The following ADGRB3 variants were observed in gnomAD, a reference collection of about 807,000 sequenced individuals.
ADGRB3 encodes adhesion G protein-coupled receptor B3, also known as brain-specific angiogenesis inhibitor 3.
In ADGRB3, 37 loss-of-function variants were observed where a neutral mutation model predicts 193.4. The observed-to-expected ratio is 0.19, with a 90% CI of 0.15 to 0.25. The LOEUF is 0.25. ADGRB3 is among the 10% of genes least tolerant of loss of function. The pLI, the probability that ADGRB3 is intolerant of heterozygous loss-of-function variation, is 1.00. For missense variants in ADGRB3, 1,637 were observed against 1,852.9 expected (o/e 0.88, Z 2.14); for synonymous variants, 690 against 644.2 (o/e 1.07, Z -1.08).
chr6:69,120,907 G>A (rs62406781), intron 17 of ADGRB3, among the ~76,000 whole-genome samples: 18,008 of 151,496 alleles, frequency 0.12, 1,172 homozygotes, highest in Middle Eastern at 0.29. Flanking sequence ...TACCTCACTT[G>A]CATGTAAAAA....
chr6:69,350,828 C>T (rs1769205620), intron 26 of ADGRB3, among the ~76,000 whole-genome samples: 1 of 151,512 alleles, frequency 6.6e-6, no homozygotes, highest in African/African-American at 2.4e-5. Flanking sequence ...TTGCTTTTTA[C>T]AAAAACTCAA....
At chr6:68,874,803 T>C (rs1182804170) in intron 3 of ADGRB3, among the ~76,000 whole-genome samples, 1 of 152,172 alleles carries the variant, frequency 6.6e-6, no homozygotes, top group African/African-American at 2.4e-5. Context: ...ACTAGATTGT[T>C]CAGTTAAGCA....
intron 8 of ADGRB3, among the ~76,000 whole-genome samples, chr6:68,973,983 A>G (rs1192381519): frequency 6.6e-6 from 1 of 152,234 alleles, no homozygotes; most frequent in African/African-American, 2.4e-5. Flanking sequence ...AATTTTGAAT[A>G]TAATATGACA....
At chr6:68,789,914 T>C (rs977049209) in intron 3 of ADGRB3, among the ~76,000 whole-genome samples, 19 of 152,344 alleles carry the variant, frequency 1.2e-4, no homozygotes, top group African/African-American at 2.6e-4. Flanking sequence ...CGTCTTCCAT[T>C]GCTGATACCC....
At chr6:69,340,580 T>A (rs989991170) in intron 26 of ADGRB3, among the ~76,000 whole-genome samples, 1 of 152,164 alleles carries the variant, frequency 6.6e-6, no homozygotes, top group Non-Finnish European at 1.5e-5. Flanking sequence ...TTTACCTGAT[T>A]TATCAGATGG....
chr6:69,175,265 A>G (rs1371074913), intron 17 of ADGRB3, among the ~76,000 whole-genome samples: 1 of 151,886 alleles, frequency 6.6e-6, no homozygotes, highest in Non-Finnish European at 1.5e-5. Flanking sequence ...CTTCTAGAAG[A>G]ATTTAGGTCT....
At chr6:69,320,817 A>ATGTGTGTG (rs1491560826) in intron 20 of ADGRB3, among the ~76,000 whole-genome samples, 16 of 104,874 alleles carry the variant, frequency 1.5e-4, no homozygotes, top group African/African-American at 5.0e-4. Context: ...GTGCTTGTGC[A>ATGTGTGTG]TGTGTGTATG....
chr6:68,730,482 G>A (rs1248523847), intron 3 of ADGRB3, among the ~76,000 whole-genome samples: 1 of 151,586 alleles, frequency 6.6e-6, no homozygotes, highest in South Asian at 2.1e-4. Context: ...GCACTGTGGA[G>A]CCAGAAGAAA....
At chr6:68,828,484 C>A (rs1767891100) in intron 3 of ADGRB3, among the ~76,000 whole-genome samples, 1 of 151,950 alleles carries the variant, frequency 6.6e-6, no homozygotes, top group Non-Finnish European at 1.5e-5. Flanking sequence ...ATTTACTCAC[C>A]AAAATAAAAT....
At chr6:68,864,541 C>G (rs557476091) in intron 3 of ADGRB3, among the ~76,000 whole-genome samples, 1 of 152,252 alleles carries the variant, frequency 6.6e-6, no homozygotes, top group African/African-American at 2.4e-5. Flanking sequence ...GAGAGCCACA[C>G]CCTAGGGATG....
intron 3 of ADGRB3, among the ~76,000 whole-genome samples, chr6:68,859,677 C>T (rs114397250): frequency 0.017 from 2,540 of 152,234 alleles, 58 homozygotes; most frequent in African/African-American, 0.058. Context: ...ACCATGAGAA[C>T]AGCATGGGAA....
At position 68,757,897 on chromosome 6, in the gene ADGRB3, A is replaced by T. The variant is rs551200233; in HGVS notation, c.757+118465A>T. Among the ~76,000 whole-genome samples the T allele has an allele frequency of 7.4e-4, 113 of 152,170 alleles. 2 individuals are homozygous for T. The highest frequency in any genetic ancestry group is 3.4e-3 in the Middle Eastern group (1 of 294). On this transcript the variant is annotated intron_variant, in intron 3 of 31. Transcript: ENST00000370598. ...TTTAAAATTACTGATTTCAGTATCT[A>T]TTCACAGTATTTATATTACTTATTG...
intron 17 of ADGRB3, among the ~76,000 whole-genome samples, chr6:69,126,923 C>T (rs1342706776): frequency 6.6e-6 from 1 of 152,174 alleles, no homozygotes; most frequent in Non-Finnish European, 1.5e-5. Context: ...TCAGTCCAGA[C>T]CCTCTTCTTC....
rs956549608 is a variant in ADGRB3, at chr6:69,003,400, CA to C, written c.1929+9446del. Among the ~76,000 whole-genome samples, 12 of 151,324 alleles carry C rather than the reference CA, an allele frequency of 7.9e-5. 1 individual carries two copies. In the East Asian group the frequency reaches 1.7e-3, roughly 22 times the overall value. On this transcript the variant is annotated intron_variant, in intron 11 of 31. Transcript: ENST00000370598. ...GGGAATGTATCAGGGAAAATGGAAA[CA>C]AAAAAAAGCAGCACTCATCTTTAAG...
At chr6:69,114,667 A>G (rs950513499) in intron 17 of ADGRB3, among the ~76,000 whole-genome samples, 1 of 150,994 alleles carries the variant, frequency 6.6e-6, no homozygotes, top group Non-Finnish European at 1.5e-5. Flanking sequence ...TCTTTAATCA[A>G]CCTTGAGTTG....
chr6:68,720,682 A>C (rs1412563072), intron 3 of ADGRB3, among the ~76,000 whole-genome samples: 1 of 151,810 alleles, frequency 6.6e-6, no homozygotes, highest in Non-Finnish European at 1.5e-5. Context: ...ATGAAAAAAG[A>C]AAAGAAATGA....
chr6:68,807,903 G>A (rs1269441981), intron 3 of ADGRB3, among the ~76,000 whole-genome samples: 2 of 151,934 alleles, frequency 1.3e-5, no homozygotes, highest in South Asian at 2.1e-4. Context: ...CATTTATTAC[G>A]TATTTAAATC....
At position 69,388,992 on chromosome 6, in the gene ADGRB3, G is replaced by T. The variant is rs1770136541; in HGVS notation, c.*101G>T. ...TATCTGGACAGTGTGACTATCTTAT[G>T]TCAGGACCTTCATGTGCCAAACGTC... On this transcript the variant is annotated 3_prime_UTR_variant, in exon 32 of 32. Transcript: ENST00000370598. 3 of 1,213,680 alleles carry T rather than the reference G, an allele frequency of 2.5e-6. No individual in the cohort carries two copies. The South Asian group carries it at 4.7e-5, about 19-fold the overall frequency. 75.2% of individuals were successfully genotyped at this position (1,213,680 alleles called of 1,614,324 possible).
At chr6:68,680,981 C>T (rs1326158395) in intron 3 of ADGRB3, among the ~76,000 whole-genome samples, 9 of 152,052 alleles carry the variant, frequency 5.9e-5, no homozygotes, top group Non-Finnish European at 1.3e-4. Context: ...ATTTATTTGG[C>T]TCACAGTCTG....
Sources: gnomAD v4.1 joint callset for allele counts (sites outside exome capture counted in the v4.1 genomes callset) on GRCh38, gnomAD v4.1.1 for gene constraint, MANE v1.5 for transcripts, NCBI Gene and HGNC (gene_info 2026-07-23, HGNC 2026-07-21) for gene names.